The following ZNF397 variants were observed in gnomAD, a reference collection of about 807,000 sequenced individuals.
ZNF397 encodes the protein zinc finger and SCAN domain-containing protein 15.
ZNF397 carries 38 observed loss-of-function variants against 50.6 expected under a neutral mutation model. The ratio of observed to expected loss-of-function variants is 0.75; its 90% CI spans 0.58 to 0.98. ZNF397 has a LOEUF of 0.98. Ranked by LOEUF, ZNF397 falls within the 50% of genes least tolerant of loss-of-function variation. The pLI is 0.00. For missense variants in ZNF397, 624 were observed against 624.1 expected, an observed-to-expected ratio of 1.00 and a Z score of 0.00; for synonymous variants, 228 against 215.2, an observed-to-expected ratio of 1.06 and a Z score of -0.52.
chr18:35,245,093 T>C (rs1409718751), intron 3 of ZNF397, among the ~76,000 whole-genome samples, 169 bp from the exon 4 acceptor site: 1 of 152,190 alleles, frequency 6.6e-6, no homozygotes, highest in Non-Finnish European at 1.5e-5. Flanking sequence ...AGTGTAGATG[T>C]AGACTTTATT....
Position 35,246,337 on chromosome 18 carries a change from T to TCTG in ZNF397, c.*27_*28insCTG. The TCTG allele has an allele frequency of 6.7e-7, 1 of 1,486,208 alleles. No homozygotes were observed. Among genetic ancestry groups the TCTG allele is most frequent in the South Asian group, 1.4e-5 (1 of 72,680 alleles). The allele number at this position is 1,486,208 out of a possible 1,614,324, so 92.1% of individuals were successfully genotyped here. A position where few individuals can be genotyped will look rare whatever the true frequency, so the allele number is the denominator to read the frequency against. Reference sequence around the variant, plus strand: ...TTGTGAATACTGTGAATAGTGTAAATACTTCAGTCAGATTTTTAAGTTTGT... The same window carrying TCTG: ...TTGTGAATACTGTGAATAGTGTAAATCTGACTTCAGTCAGATTTTTAAGTTTGT... On this transcript the variant is annotated 3_prime_UTR_variant, in exon 4 of 4. Coordinates refer to ENST00000330501, the MANE Select transcript of ZNF397 (RefSeq NM_001135178.3).
At chr18:35,243,016 TG>T in intron 2 of ZNF397, 132 bp downstream of exon 2, 2 of 1,487,936 alleles carry the variant, frequency 1.3e-6, no homozygotes, top group Non-Finnish European at 1.8e-6. Flanking sequence ...GAGCCATACT[TG>T]TCTATACCCT....
intron 1 of ZNF397, 28 bp from the exon 2 acceptor site, chr18:35,242,363 G>C: frequency 1.8e-6 from 2 of 1,102,486 alleles, no homozygotes; most frequent in Non-Finnish European, 2.6e-6. Context: ...ATTGATTGCT[G>C]TAAGTTAACT....
Position 35,241,097 on chromosome 18 carries a change from C to G in ZNF397, c.-93C>G, listed in dbSNP as rs1050951663. ...GTGGGTGGCTCATTTCCTGGCCGCTCCTGGGCTTCGCGGTGAGGGACGTGG... is the reference window on the plus strand; with the variant it reads ...GTGGGTGGCTCATTTCCTGGCCGCTGCTGGGCTTCGCGGTGAGGGACGTGG... On this transcript the variant is annotated 5_prime_UTR_variant, in exon 1 of 4. Transcript: ENST00000330501. 1 of 152,356 alleles carries G rather than the reference C, an allele frequency of 6.6e-6. No individual in the cohort carries two copies. The highest frequency in any genetic ancestry group is 1.5e-5 in the Non-Finnish European group (1 of 68,190). 9.4% of individuals were successfully genotyped at this position (152,356 alleles called of 1,614,324 possible). A position where few individuals can be genotyped will look rare whatever the true frequency, so the allele number is the denominator to read the frequency against.
Position 35,245,479 on chromosome 18 carries a change from T to C in ZNF397, c.774T>C (p.Leu258=). The change falls in exon 4 of 4, where the codon CTT becomes CTC. Residue 258 remains leucine, a synonymous_variant. Coordinates refer to ENST00000330501, the MANE Select transcript of ZNF397 (RefSeq NM_001135178.3). The part of the protein sequence containing the change: ...FTNKSLGKRD[L]YDEAERCLIL... The stretch of plus-strand genomic sequence containing the variant: ...ACAAATCTCTAGGAAAGAGAGACCT[T>C]TATGATGAGGCTGAAAGATGCTTGA... 1 of 1,552,828 alleles carries C rather than the reference T, an allele frequency of 6.4e-7. No homozygotes were observed. The highest frequency in any genetic ancestry group is 8.7e-7 in the Non-Finnish European group (1 of 1,147,384).
chr18:35,257,809 T>C, intron 5 of ZNF397: 3 of 767,816 alleles, frequency 3.9e-6, no homozygotes, highest in Non-Finnish European at 7.3e-6. Flanking sequence ...TGCAGTGCAA[T>C]TATGCTTCAG....
Position 35,247,050 on chromosome 18 carries a change from C to A in ZNF397, c.*740C>A. The A allele has an allele frequency of 1.0e-6, 1 of 971,900 alleles. No individual in the cohort carries two copies. The highest frequency in any genetic ancestry group is 1.2e-6 in the Non-Finnish European group (1 of 817,716). The allele number at this position is 971,900 out of a possible 1,614,324, so 60.2% of individuals were successfully genotyped here. A position where few individuals can be genotyped will look rare whatever the true frequency, so the allele number is the denominator to read the frequency against. On this transcript the variant is annotated 3_prime_UTR_variant, in exon 4 of 4. Coordinates refer to ENST00000330501, the MANE Select transcript of ZNF397 (RefSeq NM_001135178.3). ...GGCCTGAAGGATGAGGAGGAGTTAG[C>A]CAAGGTGGTACTCTAGGGAAGTGGT...
At chr18:35,254,250 A>C, downstream of ZNF397, 1 of 1,614,056 alleles carries the variant, frequency 6.2e-7, no homozygotes, top group Non-Finnish European at 8.5e-7. Context: ...AGACCTCCCA[A>C]AGCTTCTTCA....
exon 6 of ZNF397, chr18:35,258,062 G>A: frequency 1.3e-6 from 1 of 769,988 alleles, no homozygotes; most frequent in Non-Finnish European, 2.4e-6. Flanking sequence ...TGTAAAAATG[G>A]CATGGTGACT....
chr18:35,255,410 AT>A (rs1320273296), intron 5 of ZNF397, among the ~76,000 whole-genome samples: 2 of 151,948 alleles, frequency 1.3e-5, no homozygotes, highest in African/African-American at 4.8e-5. Context: ...ATGTATATGC[AT>A]TTTACATATC....
In ZNF397 at chr18:35,246,980, T is replaced by C. The variant is rs774270342; in HGVS notation, c.*670T>C. On this transcript the variant is annotated 3_prime_UTR_variant, in exon 4 of 4. Transcript: ENST00000330501. ...GAAAGTGGAATGCTCCTATGTGACC[T>C]TAAGGAGCACCTGACTCAGCCTTGG... 266 of 844,992 alleles carry C rather than the reference T, an allele frequency of 3.1e-4. No homozygotes were observed. The highest frequency in any genetic ancestry group is 3.5e-4 in the Non-Finnish European group (249 of 702,086). The allele number at this position is 844,992 out of a possible 1,614,324, so 52.3% of individuals were successfully genotyped here.
rs1045520090 is a variant in ZNF397, at chr18:35,248,586, A to G, written c.*2276A>G. 1 of 152,254 alleles carries G rather than the reference A, an allele frequency of 6.6e-6. No homozygotes were observed. The highest frequency in any genetic ancestry group is 1.5e-5 in the Non-Finnish European group (1 of 68,064). The allele number at this position is 152,254 out of a possible 1,614,324, so 9.4% of individuals were successfully genotyped here. A position where few individuals can be genotyped will look rare whatever the true frequency, so the allele number is the denominator to read the frequency against. On this transcript the variant is annotated 3_prime_UTR_variant, in exon 4 of 4. Transcript: ENST00000330501. Reference sequence around the variant, plus strand: ...CCAAGCACAGTGGCTCACACCTATAATGCCAGCACTTTGGGAGGCCAAGGC... The same window carrying G: ...CCAAGCACAGTGGCTCACACCTATAGTGCCAGCACTTTGGGAGGCCAAGGC...
chr18:35,251,582 G>T (rs189231912), downstream of ZNF397: 1 of 152,242 alleles, frequency 6.6e-6, no homozygotes, highest in East Asian at 1.9e-4. Flanking sequence ...GAGGGTCGTG[G>T]TGGGAGGTGA....
rs781423244 is a variant in ZNF397, at chr18:35,249,115, A to C, written c.*2805A>C. 6.6e-6 allele frequency: 1 copy of C among 152,200 alleles called. No homozygotes were observed. The highest frequency in any genetic ancestry group is 1.5e-5 in the Non-Finnish European group (1 of 68,036). 9.4% of individuals were successfully genotyped at this position (152,200 alleles called of 1,614,324 possible). A position where few individuals can be genotyped will look rare whatever the true frequency, so the allele number is the denominator to read the frequency against. On this transcript the variant is annotated 3_prime_UTR_variant, in exon 4 of 4. Transcript: ENST00000330501. ...AGTGCCAATGAACAATAAATGTTCA[A>C]CCTCACTACAGTTAAAATGTATATT...
downstream of ZNF397, chr18:35,254,694 G>T: frequency 2.4e-6 from 1 of 418,428 alleles, no homozygotes; most frequent in Non-Finnish European, 4.4e-6. Context: ...GACAATCTTG[G>T]GTTAGAGAAG....
In ZNF397 at chr18:35,245,559, A is replaced by G. The variant is rs1424452668; in HGVS notation, c.854A>G (p.Tyr285Cys). 4 of 1,552,460 alleles carry G rather than the reference A, an allele frequency of 2.6e-6. No individual in the cohort carries two copies. The highest frequency in any genetic ancestry group is 3.5e-6 in the Non-Finnish European group (4 of 1,147,268). The change falls in exon 4 of 4, where the codon TAT becomes TGT. Residue 285 changes from tyrosine to cysteine, a missense_variant. Transcript: ENST00000330501. ...AAAGTTCCTCCAGAAGAGAGACCTT[A>G]TAGATGTGATGTATGTGGGCACAGC... ...CQKVPPEERPYRCDVCGHSFK... is the reference protein window; with the variant it reads ...CQKVPPEERPCRCDVCGHSFK...
downstream of ZNF397, chr18:35,253,877 C>T (rs763531067): frequency 3.1e-6 from 5 of 1,614,020 alleles, no homozygotes; most frequent in South Asian, 4.4e-5. Flanking sequence ...GGGTTTTTCA[C>T]CACTATGAAT....
At chr18:35,244,697 T>G (rs1278746701) in intron 3 of ZNF397, among the ~76,000 whole-genome samples, 3 of 149,004 alleles carry the variant, frequency 2.0e-5, no homozygotes, top group Non-Finnish European at 4.4e-5. Flanking sequence ...ATCTAGAAAG[T>G]ACTTAGTGGA....
chr18:35,254,193 T>C (rs2043705372), downstream of ZNF397: 1 of 1,614,212 alleles, frequency 6.2e-7, no homozygotes, highest in South Asian at 1.1e-5. Flanking sequence ...GGAAGCTGAC[T>C]GATTTTGTTC....
Sources: gnomAD v4.1 joint callset for allele counts (sites outside exome capture counted in the v4.1 genomes callset) on GRCh38, gnomAD v4.1.1 for gene constraint, MANE v1.5 for transcripts, NCBI Gene and HGNC (gene_info 2026-07-23, HGNC 2026-07-21) for gene names.